The following FAM184A variants were observed in gnomAD, a reference collection of about 807,000 sequenced individuals.
FAM184A encodes the protein family with sequence similarity 184 member A, also known as protein FAM184A.
In FAM184A, 99 loss-of-function variants were observed where a neutral mutation model predicts 143.8. That is an observed-to-expected ratio of 0.69 (90% CI 0.58 to 0.81). The LOEUF (loss-of-function observed/expected upper bound fraction) is 0.81, where lower values mean the gene tolerates loss of function less well. FAM184A is among the 40% of genes least tolerant of loss of function. The pLI is 0.00. For missense variants in FAM184A, 1,217 were observed against 1,310.5 expected (o/e 0.93, Z 1.10); for synonymous variants, 427 against 446.4 (o/e 0.96, Z 0.55).
chr6:119,135,240 A>G (rs1789631902), intron 1 of FAM184A, among the ~76,000 whole-genome samples: 1 of 152,034 alleles, frequency 6.6e-6, no homozygotes, highest in East Asian at 1.9e-4. Context: ...TGTGCACAAT[A>G]TATTTTTTTA....
intron 1 of FAM184A, among the ~76,000 whole-genome samples, chr6:119,049,318 G>A (rs530501389): frequency 5.3e-5 from 8 of 152,230 alleles, no homozygotes; most frequent in Non-Finnish European, 1.5e-5. Context: ...CGTGGTGGCG[G>A]GCACCTATAG....
At chr6:119,061,355 T>C (rs1787228822) in intron 1 of FAM184A, among the ~76,000 whole-genome samples, 1 of 151,736 alleles carries the variant, frequency 6.6e-6, no homozygotes, top group African/African-American at 2.4e-5. Flanking sequence ...TACTTTTCTT[T>C]CTTTCTTTTT....
At chr6:119,018,895 G>C (rs1283032438) in intron 4 of FAM184A, among the ~76,000 whole-genome samples, 1 of 115,784 alleles carries the variant, frequency 8.6e-6, no homozygotes, top group Non-Finnish European at 2.1e-5. Flanking sequence ...CAACTAGATA[G>C]ACAGTGGTGC....
intron 5 of FAM184A, among the ~76,000 whole-genome samples, chr6:119,011,908 C>T (rs906677243): frequency 6.6e-6 from 1 of 152,220 alleles, no homozygotes; most frequent in Non-Finnish European, 1.5e-5. Flanking sequence ...AGATCACTTA[C>T]TATTTGCCAG....
intron 1 of FAM184A, among the ~76,000 whole-genome samples, chr6:119,140,111 T>C (rs943256916): frequency 6.6e-6 from 1 of 152,126 alleles, no homozygotes; most frequent in Non-Finnish European, 1.5e-5. Flanking sequence ...TAAAAAAATA[T>C]GTGTGGGTGA....
At chr6:119,009,638 G>A (rs553695703) in intron 6 of FAM184A, 34 of 152,324 alleles carry the variant, frequency 2.2e-4, no homozygotes, top group Admixed American at 1.8e-3. Context: ...ACAATTCCTA[G>A]AAATTTCTCA....
rs1475751902 is a variant in FAM184A at position 118,970,014 on chromosome 6, T to A, written c.2916-3062A>T. 6.0e-4 allele frequency among the ~76,000 whole-genome samples: 10 copies of A among 16,680 alleles called. 2 individuals are homozygous for A. Among genetic ancestry groups the A allele is most frequent in the African/African-American group, 1.9e-3 (9 of 4,706 alleles). The allele number at this position is 16,680 out of a possible 152,430, so 10.9% of individuals were successfully genotyped here. ...ATATAATATATATATATATATTTTT[T>A]TTTTTTTGAGATGGAGTTTTGTTCT... On this transcript the variant is annotated intron_variant, in intron 14 of 17. Coordinates refer to ENST00000338891, the MANE Select transcript of FAM184A (RefSeq NM_024581.6).
rs919853833 is a variant in FAM184A at position 119,100,693 on chromosome 6, A to G, written c.-202+48385T>C. Among the ~76,000 whole-genome samples the G allele has an allele frequency of 1.1e-4, 17 of 151,930 alleles. 1 individual carries two copies. The highest frequency in any genetic ancestry group is 3.9e-4 in the African/African-American group (16 of 41,220). ...TACTCTAGGCTGGATGCAGTGGCTC[A>G]TGCTTGTAATCCCAGCACTTTGGGA... On this transcript the variant is annotated intron_variant, in intron 1 of 16. Coordinates refer to the FAM184A transcript ENST00000352896.
chr6:118,984,172 T>TAC (rs1462599565), intron 9 of FAM184A, among the ~76,000 whole-genome samples: 1 of 141,094 alleles, frequency 7.1e-6, no homozygotes, highest in African/African-American at 2.7e-5. Context: ...TATATATATA[T>TAC]ATATATTTAT....
intron 9 of FAM184A, among the ~76,000 whole-genome samples, chr6:119,001,612 T>A (rs1317501106): frequency 6.6e-6 from 1 of 152,086 alleles, no homozygotes; most frequent in Non-Finnish European, 1.5e-5. Context: ...TCTGACAAAC[T>A]AATACAAGAG....
chr6:119,073,719 G>A (rs111354139), intron 1 of FAM184A, among the ~76,000 whole-genome samples: 252 of 152,308 alleles, frequency 1.7e-3, no homozygotes, highest in Non-Finnish European at 3.1e-3. Flanking sequence ...CTTGACATGT[G>A]CCTCAAGCAC....
chr6:119,110,094 G>T (rs1028648525), intron 1 of FAM184A, among the ~76,000 whole-genome samples: 1 of 152,048 alleles, frequency 6.6e-6, no homozygotes, highest in African/African-American at 2.4e-5. Flanking sequence ...TATTTTTCTC[G>T]CATAACAGGA....
At chr6:119,106,438 A>G (rs1364913499) in intron 1 of FAM184A, among the ~76,000 whole-genome samples, 1 of 152,240 alleles carries the variant, frequency 6.6e-6, no homozygotes, top group African/African-American at 2.4e-5. Context: ...ATTTAAAAAG[A>G]GAATGTATTA....
At chr6:119,035,788 C>A (rs1015853804) in intron 1 of FAM184A, among the ~76,000 whole-genome samples, 1 of 152,122 alleles carries the variant, frequency 6.6e-6, no homozygotes, top group African/African-American at 2.4e-5. Context: ...TGACCAGAAA[C>A]CCCCACCCTG....
chr6:118,989,149 G>T (rs1376821527), intron 9 of FAM184A, among the ~76,000 whole-genome samples: 3 of 151,852 alleles, frequency 2.0e-5, no homozygotes, highest in Non-Finnish European at 4.4e-5. Flanking sequence ...TTTTAGTAGA[G>T]ATGGGGTTTC....
At chr6:118,982,261 G>A (rs1784046299) in intron 9 of FAM184A, among the ~76,000 whole-genome samples, 1 of 152,170 alleles carries the variant, frequency 6.6e-6, no homozygotes, top group African/African-American at 2.4e-5. Flanking sequence ...TTTGTAACCG[G>A]TAGAGCCGTT....
chr6:118,986,949 T>C (rs1784215853), intron 9 of FAM184A, among the ~76,000 whole-genome samples: 1 of 152,128 alleles, frequency 6.6e-6, no homozygotes, highest in African/African-American at 2.4e-5. Flanking sequence ...TTTTAAGAGA[T>C]GAAAGAAAAT....
intron 1 of FAM184A, among the ~76,000 whole-genome samples, chr6:119,085,618 T>A (rs1360982100): frequency 1.3e-5 from 2 of 152,222 alleles, no homozygotes; most frequent in Admixed American, 6.5e-5. Flanking sequence ...CAAAGTCACT[T>A]CCACATTTTC....
chr6:118,959,767 C>CTT lies in FAM184A; in HGVS notation c.*334_*335dup, dbSNP rs1783260830. On this transcript the variant is annotated 3_prime_UTR_variant, in exon 18 of 18. Transcript: ENST00000338891. Reference sequence around the variant, plus strand: ...AATGCAGTAAAACTTGTTGACAAGTCTTACCTGGAATTAAAAAATATTTAA... The same window carrying CTT: ...AATGCAGTAAAACTTGTTGACAAGTCTTTTACCTGGAATTAAAAAATATTTAA... 6.1e-6 allele frequency: 1 copy of CTT among 163,088 alleles called. No individual in the cohort carries two copies. The highest frequency in any genetic ancestry group is 1.7e-4 in the East Asian group (1 of 5,914). 10.1% of individuals were successfully genotyped at this position (163,088 alleles called of 1,614,324 possible).
Sources: allele counts gnomAD v4.1 joint callset (sites outside exome capture counted in the v4.1 genomes callset), GRCh38; gene constraint gnomAD v4.1.1; transcripts MANE v1.5; gene names NCBI Gene and HGNC (gene_info 2026-07-23, HGNC 2026-07-21).